RYR2: variants seen among roughly 807,000 people sequenced by gnomAD.
RYR2 encodes the protein ryanodine receptor 2, also known as cardiac muscle ryanodine receptor-calcium release channel.
A neutral mutation model predicts 601.1 loss-of-function variants in RYR2; 227 were observed. That is an observed-to-expected ratio of 0.38 (90% CI 0.34 to 0.42). The LOEUF is 0.42. Among genes scored for constraint, RYR2 ranks in the 10% least tolerant of loss-of-function variants. The pLI is 1.00. For missense variants in RYR2, 4,646 were observed against 6,156.5 expected (o/e 0.75, Z 8.21); for synonymous variants, 2,223 against 2,175.1 (o/e 1.02, Z -0.61).
rs114459411 is a variant in RYR2 at position 237,130,538 on chromosome 1, C to T, written c.48+87969C>T. The stretch of plus-strand genomic sequence containing the variant: ...ACCAGCCTGACCATCATGGCATAAC[C>T]CCATCTTTACTAAAAATACAAAAAT... On this transcript the variant is annotated intron_variant, in intron 1 of 104. Transcript: ENST00000366574. Among the ~76,000 whole-genome samples the T allele has an allele frequency of 9.3e-3, 1,420 of 152,048 alleles. 29 individuals carry two copies. Among genetic ancestry groups the T allele is most frequent in the African/African-American group, 0.033 (1,358 of 41,462 alleles).
intron 2 of RYR2, among the ~76,000 whole-genome samples, chr1:237,278,245 ATTTTTTTTTT>A (rs71561863): frequency 3.1e-4 from 21 of 66,996 alleles, no homozygotes; most frequent in Middle Eastern, 0.017. Context: ...TAATTTTTGT[ATTTTTTTTTT>A]TTTTTTTTTT....
intron 92 of RYR2, among the ~76,000 whole-genome samples, chr1:237,789,777 G>A (rs930305578): frequency 1.8e-4 from 28 of 152,102 alleles, no homozygotes; most frequent in Non-Finnish European, 2.1e-4. Context: ...TATCTTTCTC[G>A]GCTCACCGAT....
chr1:237,651,669 A>C (rs1682743109), intron 51 of RYR2, among the ~76,000 whole-genome samples, 168 bp downstream of exon 51: 1 of 152,220 alleles, frequency 6.6e-6, no homozygotes, highest in Admixed American at 6.5e-5. Context: ...ACTTGAAATA[A>C]ACAACTTCTA....
intron 17 of RYR2, among the ~76,000 whole-genome samples, chr1:237,477,158 C>T (rs553211068): frequency 2.0e-4 from 30 of 152,154 alleles, no homozygotes; most frequent in Admixed American, 1.1e-3. Context: ...TTTGGGAGGC[C>T]GAGGCAGGCG....
At chr1:237,624,953 A>G (rs1315030767) in intron 39 of RYR2, among the ~76,000 whole-genome samples, 1 of 146,674 alleles carries the variant, frequency 6.8e-6, no homozygotes, top group Admixed American at 6.7e-5. Flanking sequence ...CTCCCAGAAA[A>G]TTATACTACA....
At chr1:237,061,708 T>C (rs10458439) in intron 1 of RYR2, among the ~76,000 whole-genome samples, 3 of 152,220 alleles carry the variant, frequency 2.0e-5, no homozygotes, top group African/African-American at 4.8e-5. Context: ...ACTCTTGCTT[T>C]TCCCCCCTCT....
chr1:237,298,484 TAC>T (rs982468375), intron 2 of RYR2, among the ~76,000 whole-genome samples: 9 of 152,258 alleles, frequency 5.9e-5, no homozygotes, highest in Non-Finnish European at 1.2e-4. Context: ...GTGGCTGAAA[TAC>T]ACAGTTTTTA....
At chr1:237,061,996 C>T (rs1662953770) in intron 1 of RYR2, among the ~76,000 whole-genome samples, 1 of 152,170 alleles carries the variant, frequency 6.6e-6, no homozygotes, top group Non-Finnish European at 1.5e-5. Flanking sequence ...AAAAGGCTAC[C>T]TTTTCATCAC....
rs796414590 is a variant in RYR2, at chr1:237,805,421, A to G, written c.14152-716A>G. Among the ~76,000 whole-genome samples the G allele has an allele frequency of 6.9e-4, 105 of 152,072 alleles. 2 individuals carry two copies. Among genetic ancestry groups the G allele is most frequent in the African/African-American group, 2.5e-3 (102 of 41,472 alleles). On this transcript the variant is annotated intron_variant, in intron 98 of 104. Transcript: ENST00000366574. Reference sequence around the variant, plus strand: ...CAGTGAAACCCCGTCTCTACTAAAAATACAAAATAATTAGCCGGGCGTGGT... The same window carrying G: ...CAGTGAAACCCCGTCTCTACTAAAAGTACAAAATAATTAGCCGGGCGTGGT...
intron 43 of RYR2, 144 bp downstream of exon 43, chr1:237,633,854 G>GA: frequency 1.3e-6 from 1 of 779,460 alleles, no homozygotes; most frequent in South Asian, 2.2e-5. Context: ...ATAGGTATAT[G>GA]AAAAAATACT....
intron 1 of RYR2, among the ~76,000 whole-genome samples, chr1:237,055,502 G>A (rs1354963300): frequency 6.6e-6 from 1 of 152,072 alleles, no homozygotes; most frequent in African/African-American, 2.4e-5. Context: ...GGTAGTTGTG[G>A]GAATAGAAAG....
chr1:237,619,243 T>G (rs1369839354), intron 38 of RYR2, among the ~76,000 whole-genome samples: 1 of 152,180 alleles, frequency 6.6e-6, no homozygotes, highest in Non-Finnish European at 1.5e-5. Context: ...TAAAATTATC[T>G]GATGAAGTTT....
At chr1:237,225,066 G>C (rs998722293) in intron 1 of RYR2, among the ~76,000 whole-genome samples, 1 of 152,064 alleles carries the variant, frequency 6.6e-6, no homozygotes, top group African/African-American at 2.4e-5. Flanking sequence ...GTTTTCTGTT[G>C]CATAACTATG....
At chr1:237,776,640 TCTC>T (rs1356270410) in intron 87 of RYR2, among the ~76,000 whole-genome samples, 1 of 99,716 alleles carries the variant, frequency 1.0e-5, no homozygotes, top group African/African-American at 4.0e-5. Flanking sequence ...TGAAGGTTCT[TCTC>T]TCTCTCTCTC....
chr1:237,177,139 C>T (rs1678143408), intron 1 of RYR2, among the ~76,000 whole-genome samples: 1 of 152,106 alleles, frequency 6.6e-6, no homozygotes, highest in Non-Finnish European at 1.5e-5. Context: ...GAGTATTTTG[C>T]TGCTCTCTTG....
At chr1:237,421,634 C>G (rs1016149084) in intron 11 of RYR2, among the ~76,000 whole-genome samples, 2 of 152,162 alleles carry the variant, frequency 1.3e-5, no homozygotes, top group African/African-American at 2.4e-5. Flanking sequence ...ACCAAGTACT[C>G]TCAATTTGTA....
At chr1:237,493,156 C>G in intron 19 of RYR2, 69 bp downstream of exon 19, 1 of 1,553,080 alleles carries the variant, frequency 6.4e-7, no homozygotes, top group Non-Finnish European at 8.9e-7. Context: ...TGCCCTGTAG[C>G]TGATACTATA....
chr1:237,537,097 A>G (rs945121793), intron 25 of RYR2, among the ~76,000 whole-genome samples: 1 of 152,202 alleles, frequency 6.6e-6, no homozygotes, highest in African/African-American at 2.4e-5. Flanking sequence ...CCAAGTGAGA[A>G]AAAATGGAAG....
chr1:237,791,144 C>G (rs1354630408), intron 92 of RYR2, among the ~76,000 whole-genome samples: 1 of 152,190 alleles, frequency 6.6e-6, no homozygotes, highest in Non-Finnish European at 1.5e-5. Flanking sequence ...TAAAATAGCA[C>G]CCCTATTCCC....
Sources: gnomAD v4.1 joint callset for allele counts (sites outside exome capture counted in the v4.1 genomes callset) on GRCh38, gnomAD v4.1.1 for gene constraint, MANE v1.5 for transcripts, NCBI Gene and HGNC (gene_info 2026-07-23, HGNC 2026-07-21) for gene names.